TOM1L2: variants seen among roughly 807,000 people sequenced by gnomAD.
TOM1L2 encodes the protein TOM1-like protein 2.
A neutral mutation model predicts 67.9 loss-of-function variants in TOM1L2; 31 were observed. The observed-to-expected ratio is 0.46, with a 90% CI of 0.34 to 0.62. The LOEUF is 0.62. TOM1L2 is among the 20% of genes least tolerant of loss of function. The probability of loss-of-function intolerance (pLI) is 0.01; values close to 1 mark genes in which losing one functional copy is unlikely to be tolerated. For missense variants in TOM1L2, 606 were observed against 663.5 expected, an observed-to-expected ratio of 0.91 and a Z score of 0.95; for synonymous variants, 256 against 254.0, an observed-to-expected ratio of 1.01 and a Z score of -0.07.
At chr17:17,902,388 A>ACCAC (rs1271675304) in intron 2 of TOM1L2, among the ~76,000 whole-genome samples, 1 of 152,240 alleles carries the variant, frequency 6.6e-6, no homozygotes, top group Non-Finnish European at 1.5e-5. Context: ...TCCCATTGGT[A>ACCAC]AAGTATTGCA....
intron 1 of TOM1L2, among the ~76,000 whole-genome samples, chr17:17,919,235 C>A (rs1007571198): frequency 6.6e-6 from 1 of 152,190 alleles, no homozygotes; most frequent in African/African-American, 2.4e-5. Flanking sequence ...ACAGAAAACA[C>A]CTGACAGAGC....
chr17:17,885,188 C>T (rs968570315), intron 4 of TOM1L2, among the ~76,000 whole-genome samples: 2 of 152,216 alleles, frequency 1.3e-5, no homozygotes, highest in African/African-American at 4.8e-5. Flanking sequence ...AGCACCTCTG[C>T]CCTGAAAGCT....
intron 1 of TOM1L2, among the ~76,000 whole-genome samples, chr17:17,918,442 A>G (rs980161412): frequency 6.6e-6 from 1 of 152,164 alleles, no homozygotes; most frequent in Non-Finnish European, 1.5e-5. Context: ...CGTTGCGCCT[A>G]TATATATTTT....
At chr17:17,856,206 T>A (rs531333462) in intron 12 of TOM1L2, among the ~76,000 whole-genome samples, 66 of 152,226 alleles carry the variant, frequency 4.3e-4, no homozygotes, top group Non-Finnish European at 8.1e-4. Flanking sequence ...ATCTTCCCAA[T>A]GAATGGACAT....
intron 1 of TOM1L2, among the ~76,000 whole-genome samples, chr17:17,946,294 C>T (rs916479809): frequency 6.6e-6 from 1 of 152,032 alleles, no homozygotes; most frequent in Non-Finnish European, 1.5e-5. Context: ...GTTGTGCAAC[C>T]ATCACCACTA....
intron 3 of TOM1L2, among the ~76,000 whole-genome samples, chr17:17,895,101 G>C (rs557615844): frequency 2.0e-5 from 3 of 152,242 alleles, no homozygotes; most frequent in Non-Finnish European, 4.4e-5. Context: ...ACGACGAAGG[G>C]GATGGCCTCT....
intron 7 of TOM1L2, among the ~76,000 whole-genome samples, chr17:17,875,138 T>C (rs2037357602): frequency 6.6e-6 from 1 of 151,802 alleles, no homozygotes. Context: ...GTGCCTGTAA[T>C]CCCAGCTACT....
intron 1 of TOM1L2, among the ~76,000 whole-genome samples, chr17:17,954,802 AAGTT>A (rs2041359164): frequency 6.6e-6 from 1 of 152,206 alleles, no homozygotes; most frequent in South Asian, 2.1e-4. Flanking sequence ...GGGCTGGACT[AAGTT>A]AGAGGAGGAG....
intron 12 of TOM1L2, chr17:17,859,602 C>G (rs997143030): frequency 6.6e-6 from 1 of 151,986 alleles, no homozygotes; most frequent in Non-Finnish European, 1.5e-5. Flanking sequence ...ATCTGATGGC[C>G]GGGCATGGTG....
chr17:17,961,022 G>A (rs2041656252), intron 1 of TOM1L2, among the ~76,000 whole-genome samples: 1 of 152,154 alleles, frequency 6.6e-6, no homozygotes, highest in African/African-American at 2.4e-5. Flanking sequence ...GAAAATATTT[G>A]TAAATCACAT....
At chr17:17,912,590 C>A (rs979748379) in intron 1 of TOM1L2, among the ~76,000 whole-genome samples, 11 of 150,214 alleles carry the variant, frequency 7.3e-5, no homozygotes, top group African/African-American at 2.7e-4. Flanking sequence ...AGACGATGGG[C>A]GGCCGGGCAG....
rs189228933 is a variant in TOM1L2 at position 17,962,118 on chromosome 17, G to A, written c.52+10144C>T. Among the ~76,000 whole-genome samples the A allele has an allele frequency of 2.4e-4, 36 of 152,234 alleles. No individual in the cohort carries two copies. The East Asian group carries it at 3.9e-3, about 16-fold the overall frequency. On this transcript the variant is annotated intron_variant, in intron 1 of 14. Coordinates refer to ENST00000379504, the MANE Select transcript of TOM1L2 (RefSeq NM_001082968.2). ...ATGCAAGTGAAGTCAGTCATGAAAG[G>A]ATAAATACTATATGATTCCATTTAT...
intron 2 of TOM1L2, among the ~76,000 whole-genome samples, chr17:17,902,620 G>A (rs1174773330): frequency 6.6e-6 from 1 of 152,256 alleles, no homozygotes; most frequent in Non-Finnish European, 1.5e-5. Flanking sequence ...CTGGACACAG[G>A]GCCTGCAGGG....
In TOM1L2 at chr17:17,845,825, T is replaced by A. The variant is rs1305655495; in HGVS notation, c.*1810A>T. ...TGAGGAGGCAGGGGCTCATCAAGCA[T>A]CAGGGAGCAGAAGGCCCAGGCAGGT... On this transcript the variant is annotated 3_prime_UTR_variant, in exon 15 of 15. Coordinates refer to ENST00000379504, the MANE Select transcript of TOM1L2 (RefSeq NM_001082968.2). 1 of 152,456 alleles carries A rather than the reference T, an allele frequency of 6.6e-6. No homozygotes were observed. Among genetic ancestry groups the A allele is most frequent in the African/African-American group, 2.4e-5 (1 of 41,436 alleles). 9.4% of individuals were successfully genotyped at this position (152,456 alleles called of 1,614,324 possible).
chr17:17,920,764 A>G (rs972295043), intron 1 of TOM1L2, among the ~76,000 whole-genome samples: 6 of 151,608 alleles, frequency 4.0e-5, no homozygotes, highest in Admixed American at 6.6e-5. Context: ...TCTCCTGAGT[A>G]GCTGGGATTA....
chr17:17,945,755 T>C (rs1348067413), intron 1 of TOM1L2, among the ~76,000 whole-genome samples: 1 of 152,074 alleles, frequency 6.6e-6, no homozygotes, highest in East Asian at 1.9e-4. Context: ...TAGGACTCTT[T>C]CCATTTAAAA....
chr17:17,927,242 C>T (rs1011324137), intron 1 of TOM1L2, among the ~76,000 whole-genome samples: 2 of 152,206 alleles, frequency 1.3e-5, no homozygotes, highest in African/African-American at 4.8e-5. Flanking sequence ...ACAGGCCCGA[C>T]ATTATTTTCA....
At chr17:17,852,345 G>A (rs1427794503) in intron 12 of TOM1L2, among the ~76,000 whole-genome samples, 1 of 152,190 alleles carries the variant, frequency 6.6e-6, no homozygotes, top group African/African-American at 2.4e-5. Flanking sequence ...TGGGGTCCCA[G>A]GTAGAGTCCA....
At chr17:17,971,280 TGACA>T (rs2042067873) in intron 1 of TOM1L2, among the ~76,000 whole-genome samples, 2 of 152,166 alleles carry the variant, frequency 1.3e-5, no homozygotes, top group Non-Finnish European at 2.9e-5. Context: ...CCAAACACTT[TGACA>T]GACAGGGGAA....
Sources: allele counts gnomAD v4.1 joint callset (sites outside exome capture counted in the v4.1 genomes callset), GRCh38; gene constraint gnomAD v4.1.1; transcripts MANE v1.5; gene names NCBI Gene and HGNC (gene_info 2026-07-23, HGNC 2026-07-21).